Variants in ITPKC observed in about 807,000 individuals in gnomAD.
ITPKC encodes inositol-trisphosphate 3-kinase C, also known as IP3 3-kinase C.
In ITPKC, 33 loss-of-function variants were observed where a neutral mutation model predicts 67.1. That is an observed-to-expected ratio of 0.49 (90% CI 0.37 to 0.66). The LOEUF is 0.66. Ranked by LOEUF, ITPKC falls within the 30% of genes least tolerant of loss-of-function variation. The probability of loss-of-function intolerance (pLI) is 0.00; values close to 1 mark genes in which losing one functional copy is unlikely to be tolerated. For synonymous variants in ITPKC, 341 were observed against 359.8 expected, an observed-to-expected ratio of 0.95 and a Z score of 0.59; for missense variants, 820 against 892.1, an observed-to-expected ratio of 0.92 and a Z score of 1.03.
intron 2 of ITPKC, among the ~76,000 whole-genome samples, chr19:40,728,202 A>G (rs1469083683): frequency 6.6e-6 from 1 of 151,408 alleles, no homozygotes; most frequent in Admixed American, 6.6e-5. Flanking sequence ...ACACTACCCC[A>G]ACCCGACATT....
In ITPKC at chr19:40,725,454, G is replaced by T. The variant is rs1468031436; in HGVS notation, c.1255+15G>T. ...TGGACATGCTGGTAAGTGGGGTGGT[G>T]GTGGACAGAGCTGGGCAGAGTCTCC... On this transcript the variant is annotated intron_variant, in intron 2 of 6. Coordinates refer to ENST00000263370, the MANE Select transcript of ITPKC (RefSeq NM_025194.3). 1 of 1,545,456 alleles carries T rather than the reference G, an allele frequency of 6.5e-7. No homozygotes were observed. The highest frequency in any genetic ancestry group is 1.1e-5 in the South Asian group (1 of 89,714).
At chr19:40,722,960 T>C (rs1177694953) in intron 1 of ITPKC, among the ~76,000 whole-genome samples, 1 of 151,706 alleles carries the variant, frequency 6.6e-6, no homozygotes, top group Non-Finnish European at 1.5e-5. Context: ...ATTTTTTATT[T>C]ATTTATTTAT....
intron 5 of ITPKC, 110 bp downstream of exon 5, chr19:40,737,197 C>A: frequency 1.3e-6 from 1 of 772,650 alleles, no homozygotes. Context: ...CTGATACTGG[C>A]TGGCTTTGCT....
chr19:40,728,892 G>C lies in ITPKC; in HGVS notation c.1256-310G>C, dbSNP rs139496038. Among the ~76,000 whole-genome samples, 114 of 152,220 alleles carry C rather than the reference G, an allele frequency of 7.5e-4. No homozygotes were observed. In the East Asian group the frequency reaches 0.018, roughly 24 times the overall value. On this transcript the variant is annotated intron_variant, in intron 2 of 6. Transcript: ENST00000263370. Reference sequence around the variant, plus strand: ...AAAATACAAAAATTAGCTGGGCTTGGTGGTGTGCACCTGTAATCCCAGCTA... The same window carrying C: ...AAAATACAAAAATTAGCTGGGCTTGCTGGTGTGCACCTGTAATCCCAGCTA...
At chr19:40,729,519 A>G in intron 3 of ITPKC, 104 bp downstream of exon 3, 3 of 996,898 alleles carry the variant, frequency 3.0e-6, no homozygotes, top group South Asian at 1.4e-5. Flanking sequence ...TAATCCCAGC[A>G]CTTTGGGAGG....
intron 4 of ITPKC, among the ~76,000 whole-genome samples, chr19:40,734,015 T>G (rs1385830906): frequency 6.6e-6 from 1 of 152,220 alleles, no homozygotes; most frequent in Non-Finnish European, 1.5e-5. Context: ...ATTCTGTCCC[T>G]CTATCCCTCT....
intron 1 of ITPKC, among the ~76,000 whole-genome samples, chr19:40,721,553 G>C (rs139383406): frequency 0.019 from 2,947 of 151,716 alleles, 37 homozygotes; most frequent in Non-Finnish European, 0.028. Flanking sequence ...TTTTTTAGTA[G>C]AGAGTGGGTT....
chr19:40,722,473 T>C lies in ITPKC; in HGVS notation c.1156-2867T>C, dbSNP rs145271140. Among the ~76,000 whole-genome samples the C allele has an allele frequency of 1.9e-3, 284 of 152,164 alleles. 2 individuals are homozygous for C. The highest frequency in any genetic ancestry group is 6.4e-3 in the African/African-American group (264 of 41,500). On this transcript the variant is annotated intron_variant, in intron 1 of 6. Transcript: ENST00000263370. ...TAGCCCTTCCCGAACCCTGACTCCC[T>C]CTTAACCTTCCCACTGTCAAAGAGA...
At chr19:40,719,629 C>G (rs1430373461) in intron 1 of ITPKC, among the ~76,000 whole-genome samples, 1 of 151,972 alleles carries the variant, frequency 6.6e-6, no homozygotes, top group Non-Finnish European at 1.5e-5. Context: ...AGGTGAGACA[C>G]CAGGTGCCCG....
At position 40,739,689 on chromosome 19, in the gene ITPKC, G is replaced by A; in HGVS notation, c.*129G>A. On this transcript the variant is annotated 3_prime_UTR_variant, in exon 7 of 7. Transcript: ENST00000263370. ...AGGGACGGGAGAGATTGTGTCATGT[G>A]CCACACGAGACCAACGTGGAAAAGT... The A allele has an allele frequency of 1.3e-6, 1 of 790,570 alleles. No individual in the cohort carries two copies. The highest frequency in any genetic ancestry group is 2.7e-5 in the Admixed American group (1 of 37,598). The allele number at this position is 790,570 out of a possible 1,614,324, so 49.0% of individuals were successfully genotyped here. A position where few individuals can be genotyped will look rare whatever the true frequency, so the allele number is the denominator to read the frequency against.
At chr19:40,719,295 C>T (rs1055456229) in intron 1 of ITPKC, among the ~76,000 whole-genome samples, 3 of 151,992 alleles carry the variant, frequency 2.0e-5, no homozygotes, top group Non-Finnish European at 2.9e-5. Flanking sequence ...CCTCCTGGGC[C>T]CCATTGCTTT....
intron 2 of ITPKC, among the ~76,000 whole-genome samples, 183 bp downstream of exon 2, chr19:40,725,622 C>T (rs1407851554): frequency 6.6e-6 from 1 of 152,190 alleles, no homozygotes; most frequent in Non-Finnish European, 1.5e-5. Context: ...GAGGGCTATT[C>T]CTTGTTATTC....
intron 1 of ITPKC, among the ~76,000 whole-genome samples, chr19:40,720,038 T>C (rs561269506): frequency 6.6e-6 from 1 of 152,178 alleles, no homozygotes; most frequent in East Asian, 1.9e-4. Flanking sequence ...GTGTTAACTC[T>C]GAGTCCTTAT....
chr19:40,727,740 C>G (rs919455792), intron 2 of ITPKC, among the ~76,000 whole-genome samples: 3 of 152,224 alleles, frequency 2.0e-5, no homozygotes, highest in African/African-American at 7.2e-5. Flanking sequence ...AGGTAAGTGT[C>G]TCTGCCAACA....
chr19:40,739,339 C>A lies in ITPKC; in HGVS notation c.1849-18C>A, dbSNP rs1421619407. 3 of 1,608,414 alleles carry A rather than the reference C, an allele frequency of 1.9e-6. No homozygotes were observed. Among genetic ancestry groups the A allele is most frequent in the Non-Finnish European group, 2.6e-6 (3 of 1,175,708 alleles). On this transcript the variant is annotated intron_variant, in intron 6 of 6. Transcript: ENST00000263370. ...CAGTGCCTGCTCCTCCCTTAACCTC[C>A]CGTCTCTACCCCGGCAGGTGGTAGG...
chr19:40,737,026 A>G lies in ITPKC; in HGVS notation c.1715A>G (p.Gln572Arg), dbSNP rs765191343. The change falls in exon 5 of 7, where the codon CAG becomes CGG. Residue 572 changes from glutamine (Q) to arginine (R), a missense_variant. This residue lies in a region of ITPKC where 339 missense variants were observed against 422.0 expected (regional missense o/e 0.80). Coordinates refer to ENST00000263370, the MANE Select transcript of ITPKC (RefSeq NM_025194.3). ...GTCNTNFKKT[Q>R]ALEQVTKVLE... The stretch of plus-strand genomic sequence containing the variant: ...TGTAACACCAACTTCAAGAAGACGC[A>G]GGCACTGGAGCAGGTGACAAAAGTG... 1.9e-6 allele frequency: 3 copies of G among 1,594,560 alleles called. No homozygotes were observed. The highest frequency in any genetic ancestry group is 1.7e-5 in the Admixed American group (1 of 58,008).
Position 40,737,784 on chromosome 19 carries a change from T to G in ITPKC, c.1848+15T>G. On this transcript the variant is annotated intron_variant, in intron 6 of 6. Transcript: ENST00000263370. The stretch of plus-strand genomic sequence containing the variant: ...AGACCCACGAGGTGCGAGCCCTGGC[T>G]TCCATGGGTGGATGTATGGGTGTCG... The G allele has an allele frequency of 6.2e-7, 1 of 1,609,692 alleles. No individual in the cohort carries two copies. Among genetic ancestry groups the G allele is most frequent in the South Asian group, 1.1e-5 (1 of 90,984 alleles).
In ITPKC at chr19:40,739,780, G is replaced by A; in HGVS notation, c.*220G>A. ...ATGATGCAGGGGTTTTGGGGACCTG[G>A]AAGGAAGGTGATGAGGCAGTGAGTC... On this transcript the variant is annotated 3_prime_UTR_variant, in exon 7 of 7. Coordinates refer to ENST00000263370, the MANE Select transcript of ITPKC (RefSeq NM_025194.3). 1.7e-6 allele frequency: 1 copy of A among 573,976 alleles called. No individual in the cohort carries two copies. The highest frequency in any genetic ancestry group is 3.1e-6 in the Non-Finnish European group (1 of 322,294). 35.6% of individuals were successfully genotyped at this position (573,976 alleles called of 1,614,324 possible). A position where few individuals can be genotyped will look rare whatever the true frequency, so the allele number is the denominator to read the frequency against.
chr19:40,739,806 A>G lies in ITPKC; in HGVS notation c.*246A>G. 1 of 553,088 alleles carries G rather than the reference A, an allele frequency of 1.8e-6. No homozygotes were observed. Among genetic ancestry groups the G allele is most frequent in the Non-Finnish European group, 3.2e-6 (1 of 309,466 alleles). 34.3% of individuals were successfully genotyped at this position (553,088 alleles called of 1,614,324 possible). A position where few individuals can be genotyped will look rare whatever the true frequency, so the allele number is the denominator to read the frequency against. Reference sequence around the variant, plus strand: ...AAGGAAGGTGATGAGGCAGTGAGTCAGAAAAACCAGAACGGGGTCCCCGGA... The same window carrying G: ...AAGGAAGGTGATGAGGCAGTGAGTCGGAAAAACCAGAACGGGGTCCCCGGA... On this transcript the variant is annotated 3_prime_UTR_variant, in exon 7 of 7. Transcript: ENST00000263370.
Sources: gnomAD v4.1 joint callset for allele counts (sites outside exome capture counted in the v4.1 genomes callset) on GRCh38, gnomAD v4.1.1 for gene constraint, gnomAD v4.1.1 regional missense constraint, MANE v1.5 for transcripts, NCBI Gene and HGNC (gene_info 2026-07-23, HGNC 2026-07-21) for gene names.